Variants in KIF26B observed in about 807,000 individuals in gnomAD.
KIF26B encodes the protein kinesin-like protein KIF26B.
Under a neutral mutation model 151.2 loss-of-function variants are expected in KIF26B, and 63 were observed. The observed-to-expected ratio is 0.42, with a 90% CI of 0.34 to 0.51. KIF26B has a LOEUF of 0.51. Among genes scored for constraint, KIF26B ranks in the 20% least tolerant of loss-of-function variants. The pLI is 0.07. For missense variants in KIF26B, 2,813 were observed against 2,913.6 expected (o/e 0.97, Z 0.79); for synonymous variants, 1,357 against 1,262.1 (o/e 1.08, Z -1.59).
chr1:245,541,741 G>A (rs1231411263), intron 5 of KIF26B, among the ~76,000 whole-genome samples: 1 of 152,074 alleles, frequency 6.6e-6, no homozygotes, highest in Non-Finnish European at 1.5e-5. Context: ...TCCGGCCCTG[G>A]GCTTCATTTG....
intron 4 of KIF26B, among the ~76,000 whole-genome samples, chr1:245,446,642 C>T (rs562786977): frequency 1.3e-5 from 2 of 152,190 alleles, no homozygotes; most frequent in South Asian, 4.1e-4. Context: ...ACCTAGAGTG[C>T]AACCTTTAGA....
Position 245,640,141 on chromosome 1 carries a change from C to CTATA in KIF26B, c.2099-5979_2099-5978insATAT, listed in dbSNP as rs370302117. Reference sequence around the variant, plus strand: ...ATATTTGCTCTCTCTCTCTCTCTCTCTCTATATATATATATATATACCCTG... The same window carrying CTATA: ...ATATTTGCTCTCTCTCTCTCTCTCTCTATATCTATATATATATATATATACCCTG... On this transcript the variant is annotated intron_variant, in intron 9 of 14. Transcript: ENST00000407071. Among the ~76,000 whole-genome samples, 20 of 31,710 alleles carry CTATA rather than the reference C, an allele frequency of 6.3e-4. 1 individual carries two copies. The highest frequency in any genetic ancestry group is 1.2e-3 in the South Asian group (1 of 830). The allele number at this position is 31,710 out of a possible 152,430, so 20.8% of individuals were successfully genotyped here.
At chr1:245,349,379 TTTC>T in intron 2 of KIF26B, among the ~76,000 whole-genome samples, 1 of 152,190 alleles carries the variant, frequency 6.6e-6, no homozygotes, top group African/African-American at 2.4e-5. Context: ...TACAGCATGT[TTTC>T]CGTTGATGGT....
chr1:245,198,066 C>A (rs550975037), intron 2 of KIF26B, among the ~76,000 whole-genome samples: 42 of 152,328 alleles, frequency 2.8e-4, no homozygotes, highest in African/African-American at 9.1e-4. Flanking sequence ...CTTCCTCCTA[C>A]CACCCACACA....
chr1:245,539,708 A>C (rs1036442140), intron 4 of KIF26B, among the ~76,000 whole-genome samples: 14 of 152,162 alleles, frequency 9.2e-5, no homozygotes, highest in African/African-American at 3.4e-4. Context: ...CCTGGAGAGC[A>C]GTGGCGCTAT....
At chr1:245,697,857 T>C (rs1228233014) in intron 12 of KIF26B, among the ~76,000 whole-genome samples, 31 of 151,934 alleles carry the variant, frequency 2.0e-4, no homozygotes, top group Admixed American at 2.0e-3. Flanking sequence ...CTGGGCAATA[T>C]AGCAAGATGT....
intron 9 of KIF26B, among the ~76,000 whole-genome samples, chr1:245,616,988 G>C (rs1258429414): frequency 2.6e-5 from 4 of 152,102 alleles, no homozygotes; most frequent in African/African-American, 9.7e-5. Flanking sequence ...TTGTAGGCTG[G>C]GCTGCTGTGT....
At chr1:245,185,729 C>T (rs1291451636) in intron 2 of KIF26B, among the ~76,000 whole-genome samples, 1 of 152,172 alleles carries the variant, frequency 6.6e-6, no homozygotes, top group Admixed American at 6.5e-5. Flanking sequence ...GATCCCCTCT[C>T]CCATGTGTGC....
intron 4 of KIF26B, among the ~76,000 whole-genome samples, chr1:245,539,461 G>C (rs896678215): frequency 6.6e-6 from 1 of 152,148 alleles, no homozygotes; most frequent in African/African-American, 2.4e-5. Flanking sequence ...ATAAAGTCAG[G>C]GCGGTCCTTT....
chr1:245,353,993 A>C (rs979195370), intron 2 of KIF26B: 1 of 152,506 alleles, frequency 6.6e-6, no homozygotes, highest in African/African-American at 2.4e-5. Context: ...CCTCTGCTTA[A>C]GGCTGTGTTG....
intron 3 of KIF26B, among the ~76,000 whole-genome samples, chr1:245,408,349 CTTTTTTTTTT>C (rs58724712): frequency 4.4e-5 from 5 of 113,312 alleles, no homozygotes; most frequent in Admixed American, 2.0e-4. Context: ...TTAAATGATT[CTTTTTTTTTT>C]TTTTTTTTTT....
intron 9 of KIF26B, among the ~76,000 whole-genome samples, chr1:245,612,748 G>A (rs901451272): frequency 6.6e-6 from 1 of 152,084 alleles, no homozygotes; most frequent in African/African-American, 2.4e-5. Flanking sequence ...TCAGACTTTT[G>A]AATAACTACC....
At chr1:245,598,443 T>C (rs888425792) in intron 5 of KIF26B, among the ~76,000 whole-genome samples, 5 of 152,130 alleles carry the variant, frequency 3.3e-5, no homozygotes, top group African/African-American at 1.2e-4. Flanking sequence ...CTGGACAGCT[T>C]CTGGGTAGAG....
chr1:245,283,898 G>T (rs1431641378), intron 2 of KIF26B, among the ~76,000 whole-genome samples: 1 of 152,160 alleles, frequency 6.6e-6, no homozygotes, highest in Non-Finnish European at 1.5e-5. Context: ...ATATTGGCCA[G>T]GCTTGTCTCG....
At chr1:245,228,212 C>T (rs1365575057) in intron 2 of KIF26B, among the ~76,000 whole-genome samples, 2 of 152,216 alleles carry the variant, frequency 1.3e-5, no homozygotes. Context: ...AGGGGGCCCT[C>T]TTTCAGGAGC....
rs991802813 is a variant in KIF26B, at chr1:245,516,241, G to A, written c.1167-24526G>A. Among the ~76,000 whole-genome samples, 3 of 152,228 alleles carry A rather than the reference G, an allele frequency of 2.0e-5. No homozygotes were observed. Among genetic ancestry groups the A allele is most frequent in the Admixed American group, 6.5e-5 (1 of 15,292 alleles). On this transcript the variant is annotated intron_variant, in intron 4 of 14. Coordinates refer to ENST00000407071, the MANE Select transcript of KIF26B (RefSeq NM_018012.4). This position sits in a 1 kb window ranked among gnomAD's most constrained non-coding sequence, Gnocchi z 4.2. ...CATAGCAATGCTTGAACTCTGGTCCGTGATGAAGCAAGCTCTTCCATGGTG... is the reference window on the plus strand; with the variant it reads ...CATAGCAATGCTTGAACTCTGGTCCATGATGAAGCAAGCTCTTCCATGGTG...
intron 2 of KIF26B, among the ~76,000 whole-genome samples, chr1:245,245,991 C>G (rs1303462944): frequency 1.3e-5 from 2 of 149,582 alleles, no homozygotes; most frequent in African/African-American, 4.9e-5. Context: ...ACTCAGGAGG[C>G]TGAGGCAGGA....
intron 2 of KIF26B, among the ~76,000 whole-genome samples, chr1:245,248,571 G>C (rs942389256): frequency 6.6e-6 from 1 of 152,206 alleles, no homozygotes; most frequent in African/African-American, 2.4e-5. Flanking sequence ...CTGCTGTGAT[G>C]AAGATTGTTG....
At chr1:245,173,971 CA>C (rs1230936383) in intron 2 of KIF26B, among the ~76,000 whole-genome samples, 5 of 152,176 alleles carry the variant, frequency 3.3e-5, no homozygotes, top group Non-Finnish European at 7.3e-5. Flanking sequence ...ACGGGCAGGG[CA>C]GTCGTCATCA....
Sources: gnomAD v4.1 joint callset for allele counts (sites outside exome capture counted in the v4.1 genomes callset) on GRCh38, gnomAD v4.1.1 for gene constraint, Gnocchi (gnomAD v3.1) non-coding constraint, MANE v1.5 for transcripts, NCBI Gene and HGNC (gene_info 2026-07-23, HGNC 2026-07-21) for gene names.